The following SMAD3 variants were observed in gnomAD, a reference collection of about 807,000 sequenced individuals.
The protein encoded by SMAD3 is MAD homolog 3.
In SMAD3, 12 loss-of-function variants were observed where a neutral mutation model predicts 51.8. The ratio of observed to expected loss-of-function variants is 0.23; its 90% CI spans 0.15 to 0.38. SMAD3 has a LOEUF of 0.38. Ranked by LOEUF, SMAD3 falls within the 10% of genes least tolerant of loss-of-function variation. The pLI, the probability that SMAD3 is intolerant of heterozygous loss-of-function variation, is 1.00. For synonymous variants in SMAD3, 238 were observed against 227.7 expected (o/e 1.05, Z -0.41); for missense variants, 294 against 565.6 (o/e 0.52, Z 4.87).
chr15:67,124,942 A>T (rs1446398300), intron 1 of SMAD3, among the ~76,000 whole-genome samples: 2 of 152,236 alleles, frequency 1.3e-5, no homozygotes, highest in African/African-American at 4.8e-5. Flanking sequence ...GTCTCTTAGC[A>T]AAAAGCTAAA....
intron 4 of SMAD3, among the ~76,000 whole-genome samples, chr15:67,168,992 TC>T (rs960448597): frequency 7.9e-5 from 12 of 152,304 alleles, no homozygotes; most frequent in African/African-American, 2.6e-4. Flanking sequence ...CCCTTGGACT[TC>T]CTAGGTCTTT....
chr15:67,085,285 G>T (rs1402300540), intron 1 of SMAD3, among the ~76,000 whole-genome samples: 2 of 152,158 alleles, frequency 1.3e-5, no homozygotes, highest in Non-Finnish European at 2.9e-5. Flanking sequence ...GCAGGCCTGG[G>T]TTCTAGGTCT....
At chr15:67,075,264 C>G (rs11638611) in intron 1 of SMAD3, among the ~76,000 whole-genome samples, 5,660 of 152,262 alleles carry the variant, frequency 0.037, 167 homozygotes, top group Non-Finnish European at 0.056. Context: ...TTCAAATCTT[C>G]CTGGTTGTAA....
chr15:67,078,849 A>G (rs1486970083), intron 1 of SMAD3, among the ~76,000 whole-genome samples: 2 of 152,230 alleles, frequency 1.3e-5, no homozygotes, highest in Non-Finnish European at 2.9e-5. Context: ...TTTCCTCATC[A>G]GTAAAATGGG....
At chr15:67,183,547 A>G (rs972420626) in intron 6 of SMAD3, among the ~76,000 whole-genome samples, 3 of 152,102 alleles carry the variant, frequency 2.0e-5, no homozygotes, top group Admixed American at 2.0e-4. Flanking sequence ...AGTAGTGGGA[A>G]TAGGAGGCAG....
At chr15:67,132,306 G>A (rs1250138019) in intron 1 of SMAD3, among the ~76,000 whole-genome samples, 4 of 152,150 alleles carry the variant, frequency 2.6e-5, no homozygotes, top group Non-Finnish European at 4.4e-5. Flanking sequence ...GGAAGTGAAT[G>A]GGGCTTTGAG....
chr15:67,153,885 C>G lies in SMAD3; in HGVS notation c.207-11010C>G, dbSNP rs553517034. Among the ~76,000 whole-genome samples, 19 of 152,358 alleles carry G rather than the reference C, an allele frequency of 1.2e-4. No individual in the cohort carries two copies. In the South Asian group the frequency reaches 3.7e-3, roughly 30 times the overall value. ...ATCAGGCTGAACTTTCTCCAGTAAC[C>G]AACCTTCTTCTTTTCCAGAAAGTAC... On this transcript the variant is annotated intron_variant, in intron 1 of 8. Transcript: ENST00000327367.
chr15:67,113,874 T>C (rs926087377), intron 1 of SMAD3, among the ~76,000 whole-genome samples: 1 of 152,224 alleles, frequency 6.6e-6, no homozygotes, highest in Non-Finnish European at 1.5e-5. Context: ...CTCCCTGTAG[T>C]GCTTAGGACA....
chr15:67,072,561 C>G (rs1264065444), intron 1 of SMAD3, among the ~76,000 whole-genome samples: 2 of 152,236 alleles, frequency 1.3e-5, no homozygotes, highest in Non-Finnish European at 2.9e-5. Context: ...ACTCCATTCC[C>G]TCCCCCAAAT....
At chr15:67,149,238 A>G (rs1033606779) in intron 1 of SMAD3, among the ~76,000 whole-genome samples, 2 of 152,084 alleles carry the variant, frequency 1.3e-5, no homozygotes, top group African/African-American at 4.8e-5. Flanking sequence ...TGGCTGCAAC[A>G]TTTTACCTCC....
intron 1 of SMAD3, among the ~76,000 whole-genome samples, chr15:67,109,360 T>C (rs1960950557): frequency 6.6e-6 from 1 of 152,204 alleles, no homozygotes; most frequent in African/African-American, 2.4e-5. Context: ...ACTTTAACCC[T>C]CTGGGACTTG....
intron 3 of SMAD3, 127 bp downstream of exon 3, chr15:67,165,511 T>G: frequency 8.6e-7 from 1 of 1,162,344 alleles, no homozygotes; most frequent in Non-Finnish European, 1.2e-6. Flanking sequence ...CGCACAGCTC[T>G]GGCCTGAGGG....
intron 1 of SMAD3, chr15:67,126,051 G>A: frequency 1.2e-6 from 1 of 815,288 alleles, no homozygotes; most frequent in Non-Finnish European, 1.5e-6. Context: ...AGCAGAAACT[G>A]TATGCTCGAC....
intron 1 of SMAD3, among the ~76,000 whole-genome samples, chr15:67,150,822 T>TTTTTA (rs1386192487): frequency 2.4e-5 from 3 of 126,284 alleles, no homozygotes; most frequent in Non-Finnish European, 3.4e-5. Context: ...TTTTTTTTAT[T>TTTTTA]AAGAGAGCAA....
intron 1 of SMAD3, among the ~76,000 whole-genome samples, chr15:67,107,314 G>A (rs61261487): frequency 0.012 from 1,857 of 152,234 alleles, 40 homozygotes; most frequent in African/African-American, 0.042. Context: ...GCTTTATCTG[G>A]GTGGAGGGGA....
chr15:67,185,715 C>G (rs1469413279), intron 7 of SMAD3, among the ~76,000 whole-genome samples: 1 of 152,142 alleles, frequency 6.6e-6, no homozygotes, highest in Non-Finnish European at 1.5e-5. Context: ...ACAGCAAGAT[C>G]AGGCAGGTGG....
At position 67,169,618 on chromosome 15, in the gene SMAD3, G is replaced by T. The variant is rs987196148; in HGVS notation, c.608-936G>T. Among the ~76,000 whole-genome samples the T allele has an allele frequency of 1.3e-4, 19 of 146,330 alleles. No homozygotes were observed. The Admixed American group carries it at 1.3e-3, about 10-fold the overall frequency. On this transcript the variant is annotated intron_variant, in intron 4 of 8. Coordinates refer to ENST00000327367, the MANE Select transcript of SMAD3 (RefSeq NM_005902.4). ...CCAGCCTCAGCCTTCACCACTTACGGCTTATTTTTTTTTTTTTTTTTTTCT... is the reference window on the plus strand; with the variant it reads ...CCAGCCTCAGCCTTCACCACTTACGTCTTATTTTTTTTTTTTTTTTTTTCT...
chr15:67,109,274 A>C (rs1430499861), intron 1 of SMAD3, among the ~76,000 whole-genome samples: 1 of 152,208 alleles, frequency 6.6e-6, no homozygotes, highest in African/African-American at 2.4e-5. Context: ...CATGCACTGA[A>C]AAATGCTTTG....
At chr15:67,091,134 G>A (rs1277523631) in intron 1 of SMAD3, among the ~76,000 whole-genome samples, 1 of 152,206 alleles carries the variant, frequency 6.6e-6, no homozygotes, top group Admixed American at 6.5e-5. Context: ...CTTCCTCCCT[G>A]CCCTGCCCAT....
Sources: gnomAD v4.1 joint callset for allele counts (sites outside exome capture counted in the v4.1 genomes callset) on GRCh38, gnomAD v4.1.1 for gene constraint, MANE v1.5 for transcripts, NCBI Gene and HGNC (gene_info 2026-07-23, HGNC 2026-07-21) for gene names.